The following KATNA1 variants were observed in gnomAD, a reference collection of about 807,000 sequenced individuals.
The protein encoded by KATNA1 is katanin p60 ATPase-containing subunit A1.
In KATNA1, 42 loss-of-function variants were observed where a neutral mutation model predicts 62.6. That is an observed-to-expected ratio of 0.67 (90% CI 0.52 to 0.87). The LOEUF is 0.87. KATNA1 is among the 40% of genes least tolerant of loss of function. The pLI, the probability that KATNA1 is intolerant of heterozygous loss-of-function variation, is 0.00. For missense variants in KATNA1, 498 were observed against 612.5 expected, an observed-to-expected ratio of 0.81 and a Z score of 1.97; for synonymous variants, 186 against 201.9, an observed-to-expected ratio of 0.92 and a Z score of 0.67.
chr6:149,639,486 C>G (rs544621639), intron 1 of KATNA1, among the ~76,000 whole-genome samples: 82 of 152,122 alleles, frequency 5.4e-4, no homozygotes, highest in South Asian at 1.2e-3. Context: ...GTAATCACAG[C>G]TACTCAGGAG....
chr6:149,616,816 A>G (rs1415056304), intron 4 of KATNA1, among the ~76,000 whole-genome samples: 1 of 152,176 alleles, frequency 6.6e-6, no homozygotes, highest in Non-Finnish European at 1.5e-5. Flanking sequence ...GTATATATCC[A>G]AAAATCTTAA....
intron 4 of KATNA1, among the ~76,000 whole-genome samples, chr6:149,617,778 A>C (rs550515823): frequency 6.6e-6 from 1 of 151,808 alleles, no homozygotes; most frequent in Non-Finnish European, 1.5e-5. Context: ...CTACTAAAAA[A>C]CACAAAAATT....
intron 1 of KATNA1, among the ~76,000 whole-genome samples, chr6:149,641,990 C>A (rs1386191604): frequency 6.6e-6 from 1 of 151,708 alleles, no homozygotes; most frequent in African/African-American, 2.4e-5. Flanking sequence ...GCAACCTCTG[C>A]CTCCCAGGTT....
intron 3 of KATNA1, among the ~76,000 whole-genome samples, chr6:149,628,712 T>C (rs533723498): frequency 2.0e-5 from 3 of 150,386 alleles, no homozygotes; most frequent in African/African-American, 4.9e-5. Flanking sequence ...CCCAGCTACA[T>C]GGGAGGCTGA....
intron 4 of KATNA1, among the ~76,000 whole-genome samples, chr6:149,608,540 G>A (rs750737051): frequency 6.6e-6 from 1 of 152,098 alleles, no homozygotes; most frequent in Non-Finnish European, 1.5e-5. Flanking sequence ...CCCCACCCAG[G>A]GCAGCAAAGG....
At chr6:149,629,327 G>A (rs939201761) in intron 3 of KATNA1, among the ~76,000 whole-genome samples, 2 of 152,142 alleles carry the variant, frequency 1.3e-5, no homozygotes, top group African/African-American at 4.8e-5. Context: ...AGTCCCTGAT[G>A]TGAAAGAGCT....
chr6:149,603,453 CATG>C (rs2115085740), intron 5 of KATNA1, 80 bp from the exon 6 acceptor site: 1 of 648,474 alleles, frequency 1.5e-6, no homozygotes, highest in African/African-American at 1.8e-5. Context: ...ACTGGAAGCA[CATG>C]ATGTTGCACT....
intron 1 of KATNA1, among the ~76,000 whole-genome samples, chr6:149,644,106 T>C (rs1437300004): frequency 1.3e-5 from 2 of 152,144 alleles, no homozygotes; most frequent in African/African-American, 2.4e-5. Context: ...TTGATTCTTG[T>C]GTGATTACTT....
At chr6:149,643,770 G>A (rs1313464230) in intron 1 of KATNA1, among the ~76,000 whole-genome samples, 3 of 150,996 alleles carry the variant, frequency 2.0e-5, no homozygotes, top group Non-Finnish European at 4.4e-5. Context: ...CTGCAGCCTT[G>A]ATCTTCTGGG....
In KATNA1 at chr6:149,633,857, G is replaced by A. The variant is rs185997219; in HGVS notation, c.163-941C>T. 3.9e-3 allele frequency among the ~76,000 whole-genome samples: 592 copies of A among 152,254 alleles called. 2 individuals are homozygous for A. Among genetic ancestry groups the A allele is most frequent in the Non-Finnish European group, 5.2e-3 (352 of 68,022 alleles). On this transcript the variant is annotated intron_variant, in intron 2 of 10. Coordinates refer to ENST00000367411, the MANE Select transcript of KATNA1 (RefSeq NM_007044.4). ...CGTAATCCCAGCTACTCGGGAGGCT[G>A]AGGCAGGAGAATCGCTTGAACCTGG...
intron 3 of KATNA1, among the ~76,000 whole-genome samples, chr6:149,626,616 A>T (rs893401326): frequency 3.3e-5 from 5 of 151,206 alleles, no homozygotes; most frequent in African/African-American, 1.2e-4. Flanking sequence ...TACATATAAC[A>T]TTGTATTAGG....
chr6:149,631,905 A>G (rs1779855647), intron 3 of KATNA1, among the ~76,000 whole-genome samples: 3 of 152,242 alleles, frequency 2.0e-5, no homozygotes, highest in Admixed American at 2.0e-4. Context: ...AGTTGGGGAA[A>G]AAAAGCCAGA....
intron 7 of KATNA1, among the ~76,000 whole-genome samples, chr6:149,599,689 TGTATTTTTA>T (rs887491452): frequency 1.6e-4 from 24 of 152,194 alleles, no homozygotes; most frequent in African/African-American, 5.8e-4. Context: ...GGCTAATTTT[TGTATTTTTA>T]GTAGAGACGG....
chr6:149,644,493 A>G (rs566357978), intron 1 of KATNA1, among the ~76,000 whole-genome samples: 1 of 152,052 alleles, frequency 6.6e-6, no homozygotes, highest in East Asian at 1.9e-4. Context: ...ATGACAGGGC[A>G]CACCTGTAGT....
intron 3 of KATNA1, among the ~76,000 whole-genome samples, chr6:149,628,698 T>C (rs1779715863): frequency 6.6e-6 from 1 of 151,704 alleles, no homozygotes; most frequent in South Asian, 2.1e-4. Context: ...CACACACCTG[T>C]AGTCCCAGCT....
At chr6:149,617,208 T>C (rs1779199093) in intron 4 of KATNA1, among the ~76,000 whole-genome samples, 1 of 152,100 alleles carries the variant, frequency 6.6e-6, no homozygotes, top group Non-Finnish European at 1.5e-5. Flanking sequence ...TTCTGAAAAA[T>C]AAATAATGTT....
chr6:149,639,089 C>T (rs1263605780), intron 1 of KATNA1, among the ~76,000 whole-genome samples: 1 of 151,902 alleles, frequency 6.6e-6, no homozygotes, highest in African/African-American at 2.4e-5. Flanking sequence ...CACTTCAGGC[C>T]AGGAGTTCAA....
chr6:149,604,312 T>A (rs1026596793), intron 5 of KATNA1, among the ~76,000 whole-genome samples: 16 of 152,004 alleles, frequency 1.1e-4, no homozygotes, highest in African/African-American at 3.6e-4. Context: ...AAACATTTTT[T>A]AAAATTAGCT....
chr6:149,632,338 G>A lies in KATNA1; in HGVS notation c.320+421C>T, dbSNP rs866014348. ...TGCAGCGAGCCGAGATCGTGCCACT[G>A]CACTCCAGCCTCGTGACAGAGTGAG... On this transcript the variant is annotated intron_variant, in intron 3 of 10. Transcript: ENST00000367411. Among the ~76,000 whole-genome samples the A allele has an allele frequency of 2.8e-4, 41 of 148,770 alleles. 1 individual carries two copies. In the Middle Eastern group the frequency reaches 0.025, roughly 92 times the overall value.
Sources: allele counts gnomAD v4.1 joint callset (sites outside exome capture counted in the v4.1 genomes callset), GRCh38; gene constraint gnomAD v4.1.1; transcripts MANE v1.5; gene names NCBI Gene and HGNC (gene_info 2026-07-23, HGNC 2026-07-21).